Variants in CTNND2 observed in about 807,000 individuals in gnomAD.
CTNND2 encodes the protein catenin delta 2.
CTNND2 carries 22 observed loss-of-function variants against 144.4 expected under a neutral mutation model. That is an observed-to-expected ratio of 0.15 (90% CI 0.11 to 0.22). CTNND2 has a LOEUF of 0.22. Ranked by LOEUF, CTNND2 falls within the 10% of genes least tolerant of loss-of-function variation. The pLI, the probability that CTNND2 is intolerant of heterozygous loss-of-function variation, is 1.00. For synonymous variants in CTNND2, 751 were observed against 695.6 expected (o/e 1.08, Z -1.25); for missense variants, 1,353 against 1,618.8 (o/e 0.84, Z 2.82).
chr5:10,992,518 A>T, intron 19 of CTNND2, 33 bp downstream of exon 19: 1 of 1,613,062 alleles, frequency 6.2e-7, no homozygotes, highest in South Asian at 1.1e-5. Context: ...ACGAGAAATA[A>T]AGCCTGGCTG....
rs35360011 is a variant in CTNND2 at position 11,817,981 on chromosome 5, G to GTTTT, written c.38-85713_38-85710dup. Among the ~76,000 whole-genome samples the GTTTT allele has an allele frequency of 1.5e-3, 49 of 31,856 alleles. 3 individuals carry two copies. The highest frequency in any genetic ancestry group is 3.8e-3 in the African/African-American group (46 of 11,960). The allele number at this position is 31,856 out of a possible 152,430, so 20.9% of individuals were successfully genotyped here. The stretch of plus-strand genomic sequence containing the variant: ...GAAGTGAAGATACGTATTATGAGGT[G>GTTTT]TTTTTTTTTTTTTTTTTTTTTTTCA... On this transcript the variant is annotated intron_variant, in intron 1 of 21. Coordinates refer to ENST00000304623, the MANE Select transcript of CTNND2 (RefSeq NM_001332.4).
At chr5:11,714,322 C>A (rs921475631) in intron 2 of CTNND2, among the ~76,000 whole-genome samples, 1 of 151,878 alleles carries the variant, frequency 6.6e-6, no homozygotes. Context: ...TTTTTTATGA[C>A]CAGCTCCATA....
chr5:11,340,847 T>C (rs1754189132), intron 9 of CTNND2, among the ~76,000 whole-genome samples: 1 of 152,330 alleles, frequency 6.6e-6, no homozygotes. Flanking sequence ...ATAGGTATTA[T>C]AAAAAGTCAT....
intron 3 of CTNND2, among the ~76,000 whole-genome samples, chr5:11,539,772 G>A (rs1774559979): frequency 6.6e-6 from 1 of 152,200 alleles, no homozygotes. Flanking sequence ...GATGGCTCAT[G>A]CCTGTAATCC....
chr5:11,719,845 C>CAG (rs2126714137), intron 2 of CTNND2, among the ~76,000 whole-genome samples: 1 of 145,084 alleles, frequency 6.9e-6, no homozygotes, highest in African/African-American at 2.6e-5. Flanking sequence ...CACACACACA[C>CAG]ACACACACAC....
At chr5:11,844,128 C>G (rs1794623334) in intron 1 of CTNND2, among the ~76,000 whole-genome samples, 1 of 152,154 alleles carries the variant, frequency 6.6e-6, no homozygotes, top group African/African-American at 2.4e-5. Context: ...TTCCCACATT[C>G]CACATTTCTA....
In CTNND2 at chr5:11,151,276, G is replaced by T. The variant is rs541598938; in HGVS notation, c.2159+8300C>A. On this transcript the variant is annotated intron_variant, in intron 12 of 21. Coordinates refer to ENST00000304623, the MANE Select transcript of CTNND2 (RefSeq NM_001332.4). The stretch of plus-strand genomic sequence containing the variant: ...CAATTTATGGTTAATAGATTTGTTT[G>T]CTTCTCCTCCAGGGAAGTTACTTCT... 1.6e-3 allele frequency among the ~76,000 whole-genome samples: 245 copies of T among 152,312 alleles called. 1 individual carries two copies. The highest frequency in any genetic ancestry group is 5.6e-3 in the African/African-American group (231 of 41,572).
At position 11,140,792 on chromosome 5, in the gene CTNND2, G is replaced by A. The variant is rs184786580; in HGVS notation, c.2159+18784C>T. 4.7e-3 allele frequency among the ~76,000 whole-genome samples: 721 copies of A among 152,098 alleles called. 3 individuals are homozygous for A. The highest frequency in any genetic ancestry group is 7.7e-3 in the Non-Finnish European group (526 of 67,990). Reference sequence around the variant, plus strand: ...ATAGTATTGGAGAGAAAATGTACACGTATTTAAGTTGTTATATTCTAGATT... The same window carrying A: ...ATAGTATTGGAGAGAAAATGTACACATATTTAAGTTGTTATATTCTAGATT... On this transcript the variant is annotated intron_variant, in intron 12 of 21. Coordinates refer to ENST00000304623, the MANE Select transcript of CTNND2 (RefSeq NM_001332.4).
intron 3 of CTNND2, among the ~76,000 whole-genome samples, chr5:11,507,731 T>C (rs1299004807): frequency 6.6e-6 from 1 of 151,888 alleles, no homozygotes; most frequent in East Asian, 1.9e-4. Flanking sequence ...CAGCCTGGAG[T>C]TGGAGGACAA....
At chr5:11,385,485 T>C (rs1054512117) in intron 6 of CTNND2, among the ~76,000 whole-genome samples, 4 of 152,158 alleles carry the variant, frequency 2.6e-5, no homozygotes, top group Admixed American at 1.3e-4. Context: ...AGACCTGTGT[T>C]TGCTTACATG....
intron 12 of CTNND2, among the ~76,000 whole-genome samples, chr5:11,154,950 T>C (rs1403868037): frequency 6.6e-6 from 1 of 152,230 alleles, no homozygotes; most frequent in Non-Finnish European, 1.5e-5. Context: ...ATGCCATTCA[T>C]TGGATTTAGG....
intron 9 of CTNND2, among the ~76,000 whole-genome samples, chr5:11,259,860 C>G (rs983086750): frequency 1.3e-5 from 2 of 152,200 alleles, no homozygotes; most frequent in Non-Finnish European, 2.9e-5. Flanking sequence ...ATGGATTTAG[C>G]TCACTGTATC....
chr5:11,202,593 CAT>C (rs1188013870), intron 10 of CTNND2, among the ~76,000 whole-genome samples: 6 of 152,126 alleles, frequency 3.9e-5, no homozygotes, highest in Non-Finnish European at 8.8e-5. Context: ...TAAATGGCCA[CAT>C]GTGTGAAATG....
rs994270917 is a variant in CTNND2, at chr5:11,397,320, G to A, written c.440-117C>T. ...CATGCACATGATTCCAGCCATCCATGCTTAAAATTCTGAGAACTAAAATGA... is the reference window on the plus strand; with the variant it reads ...CATGCACATGATTCCAGCCATCCATACTTAAAATTCTGAGAACTAAAATGA... On this transcript the variant is annotated intron_variant, in intron 5 of 21. Coordinates refer to ENST00000304623, the MANE Select transcript of CTNND2 (RefSeq NM_001332.4). 3.4e-5 allele frequency: 28 copies of A among 814,888 alleles called. No homozygotes were observed. In the African/African-American group the frequency reaches 4.7e-4, roughly 14 times the overall value. The allele number at this position is 814,888 out of a possible 1,614,324, so 50.5% of individuals were successfully genotyped here.
chr5:11,835,883 T>C (rs1794150993), intron 1 of CTNND2, among the ~76,000 whole-genome samples: 1 of 152,234 alleles, frequency 6.6e-6, no homozygotes. Context: ...TTCTTTTTTT[T>C]CCTAGAGTCT....
chr5:11,771,801 T>A (rs1022614824), intron 1 of CTNND2, among the ~76,000 whole-genome samples: 1 of 152,136 alleles, frequency 6.6e-6, no homozygotes, highest in African/African-American at 2.4e-5. Flanking sequence ...AACCTTTGCT[T>A]GCTTGTTCAC....
At chr5:11,751,336 G>T (rs1788605700) in intron 1 of CTNND2, among the ~76,000 whole-genome samples, 1 of 151,686 alleles carries the variant, frequency 6.6e-6, no homozygotes, top group Non-Finnish European at 1.5e-5. Context: ...CATCACCCAG[G>T]TAAGAAGCAT....
At chr5:11,673,474 A>C (rs906768913) in intron 2 of CTNND2, among the ~76,000 whole-genome samples, 1 of 152,210 alleles carries the variant, frequency 6.6e-6, no homozygotes, top group African/African-American at 2.4e-5. Context: ...GCAAAGACTT[A>C]TCTGAAATTG....
intron 3 of CTNND2, 51 bp from the exon 4 acceptor site, chr5:11,412,120 T>C: frequency 6.9e-7 from 1 of 1,439,494 alleles, no homozygotes; most frequent in Non-Finnish European, 9.8e-7. Context: ...AAAAGAAAAA[T>C]AAAACCCTAA....
Sources: allele counts gnomAD v4.1 joint callset (sites outside exome capture counted in the v4.1 genomes callset), GRCh38; gene constraint gnomAD v4.1.1; transcripts MANE v1.5; gene names NCBI Gene and HGNC (gene_info 2026-07-23, HGNC 2026-07-21).